The following ROBO2 variants were observed in gnomAD, a reference collection of about 807,000 sequenced individuals.
The protein encoded by ROBO2 is roundabout guidance receptor 2, also known as roundabout homolog 2.
In ROBO2, 53 loss-of-function variants were observed where a neutral mutation model predicts 160.8. That is an observed-to-expected ratio of 0.33 (90% CI 0.26 to 0.41). The LOEUF (loss-of-function observed/expected upper bound fraction) is 0.41, where lower values mean the gene tolerates loss of function less well. ROBO2 is among the 10% of genes least tolerant of loss of function. The pLI is 1.00. For missense variants in ROBO2, 1,577 were observed against 1,722.4 expected (o/e 0.92, Z 1.49); for synonymous variants, 664 against 611.7 (o/e 1.09, Z -1.26).
chr3:76,268,698 A>G (rs1321242038), intron 2 of ROBO2, among the ~76,000 whole-genome samples: 2 of 152,198 alleles, frequency 1.3e-5, no homozygotes, highest in East Asian at 1.9e-4. Flanking sequence ...ATTTTAAGGT[A>G]CACAATTCAG....
intron 2 of ROBO2, among the ~76,000 whole-genome samples, chr3:77,406,142 G>A (rs1044145516): frequency 6.6e-6 from 1 of 152,162 alleles, no homozygotes; most frequent in African/African-American, 2.4e-5. Context: ...CATGGCTGCA[G>A]GCAAGAGAGG....
chr3:76,067,620 T>A (rs190722690), intron 2 of ROBO2, among the ~76,000 whole-genome samples: 55 of 152,296 alleles, frequency 3.6e-4, no homozygotes, highest in African/African-American at 1.2e-3. Context: ...GTACTTGGTG[T>A]CATATCAGAA....
At chr3:77,328,280 G>A (rs541571559) in intron 2 of ROBO2, among the ~76,000 whole-genome samples, 1 of 151,974 alleles carries the variant, frequency 6.6e-6, no homozygotes, top group Non-Finnish European at 1.5e-5. Context: ...TTGAGTTGAG[G>A]AATTAACCAA....
intron 2 of ROBO2, among the ~76,000 whole-genome samples, chr3:77,235,578 T>C (rs1580251070): frequency 6.6e-6 from 1 of 152,272 alleles, no homozygotes; most frequent in African/African-American, 2.4e-5. Flanking sequence ...ATATCATATA[T>C]CAGCAAAATA....
At chr3:77,010,189 A>G (rs1328405419) in intron 2 of ROBO2, among the ~76,000 whole-genome samples, 3 of 152,248 alleles carry the variant, frequency 2.0e-5, no homozygotes, top group Admixed American at 6.5e-5. Flanking sequence ...TTCAAAATTC[A>G]TATTAGTTTG....
chr3:76,835,352 T>C (rs1461452407), intron 2 of ROBO2, among the ~76,000 whole-genome samples: 2 of 148,934 alleles, frequency 1.3e-5, no homozygotes, highest in South Asian at 2.1e-4. Context: ...TGAATATATA[T>C]GCACACATAT....
At chr3:76,619,569 A>G (rs914770564) in intron 2 of ROBO2, among the ~76,000 whole-genome samples, 9 of 152,322 alleles carry the variant, frequency 5.9e-5, no homozygotes, top group African/African-American at 1.9e-4. Flanking sequence ...TACAGTAAGG[A>G]TATTAAAGTT....
rs2082296383 is a variant in ROBO2, at chr3:77,196,239, T to C, written c.388+97899T>C. On this transcript the variant is annotated intron_variant, in intron 2 of 25. Transcript: ENST00000461745. ...GCCTGTTGTGTAATTCCAGCTATTA[T>C]ACATTGTAGTACGAATGTCTGTAGG... Among the ~76,000 whole-genome samples the C allele has an allele frequency of 2.0e-5, 3 of 152,150 alleles. No individual in the cohort carries two copies. In the South Asian group the frequency reaches 6.2e-4, roughly 32 times the overall value.
intron 2 of ROBO2, among the ~76,000 whole-genome samples, chr3:77,395,809 C>T (rs1191058195): frequency 1.3e-5 from 2 of 151,988 alleles, no homozygotes; most frequent in East Asian, 3.9e-4. Context: ...ATGTATTTCA[C>T]TATACATTTG....
intron 2 of ROBO2, among the ~76,000 whole-genome samples, chr3:76,240,681 C>T (rs1332987098): frequency 4.6e-5 from 7 of 151,988 alleles, no homozygotes; most frequent in South Asian, 2.1e-4. Flanking sequence ...GGTGAGGTGA[C>T]GTCCTGCTTT....
chr3:77,212,676 GT>G (rs1422866148), intron 2 of ROBO2, among the ~76,000 whole-genome samples: 18 of 152,226 alleles, frequency 1.2e-4, no homozygotes, highest in Non-Finnish European at 2.1e-4. Context: ...AATGCTTCCA[GT>G]TTTTGCCCAT....
At chr3:76,439,445 A>G (rs2076824012) in intron 2 of ROBO2, among the ~76,000 whole-genome samples, 1 of 152,128 alleles carries the variant, frequency 6.6e-6, no homozygotes, top group Admixed American at 6.6e-5. Context: ...TGAAGAGCTG[A>G]ATCGGGAAGA....
chr3:77,190,877 G>C (rs4683980), intron 2 of ROBO2, among the ~76,000 whole-genome samples: 39,701 of 151,812 alleles, frequency 0.26, 5,471 homozygotes, highest in African/African-American at 0.32. Flanking sequence ...TACAAGAATG[G>C]TTAGGTAACC....
chr3:77,272,380 A>T (rs920117174), intron 2 of ROBO2, among the ~76,000 whole-genome samples: 1 of 152,042 alleles, frequency 6.6e-6, no homozygotes, highest in Non-Finnish European at 1.5e-5. Context: ...GGAAGCAGAC[A>T]TGTCTTACAT....
intron 2 of ROBO2, among the ~76,000 whole-genome samples, chr3:77,102,304 G>GT (rs1048220975): frequency 4.1e-4 from 63 of 152,096 alleles, no homozygotes; most frequent in Admixed American, 3.3e-4. Context: ...TGTGTGTTGC[G>GT]TGGGTGGGTG....
At chr3:76,820,438 G>A (rs934697568) in intron 2 of ROBO2, among the ~76,000 whole-genome samples, 8 of 151,668 alleles carry the variant, frequency 5.3e-5, no homozygotes, top group African/African-American at 1.9e-4. Flanking sequence ...AATTGCATTA[G>A]GTAATTTTAA....
chr3:76,232,049 A>G (rs1000386123), intron 2 of ROBO2, among the ~76,000 whole-genome samples: 1 of 152,208 alleles, frequency 6.6e-6, no homozygotes, highest in Non-Finnish European at 1.5e-5. Context: ...ATGTTTCATC[A>G]TACATTGATC....
chr3:76,020,052 T>A (rs2066528611), intron 2 of ROBO2, among the ~76,000 whole-genome samples: 1 of 152,006 alleles, frequency 6.6e-6, no homozygotes, highest in Non-Finnish European at 1.5e-5. Context: ...GGTTTGTTGA[T>A]TTCTTCATAT....
At chr3:77,350,528 C>T (rs951439220) in intron 2 of ROBO2, among the ~76,000 whole-genome samples, 2 of 152,098 alleles carry the variant, frequency 1.3e-5, no homozygotes, top group African/African-American at 2.4e-5. Context: ...ATTCTGTACT[C>T]GAAGTGCTGC....
Sources: gnomAD v4.1 joint callset for allele counts (sites outside exome capture counted in the v4.1 genomes callset) on GRCh38, gnomAD v4.1.1 for gene constraint, MANE v1.5 for transcripts, NCBI Gene and HGNC (gene_info 2026-07-23, HGNC 2026-07-21) for gene names.